Variants in CHRND observed in about 807,000 individuals in gnomAD.
The protein encoded by CHRND is acetylcholine receptor subunit delta.
In CHRND, 40 loss-of-function variants were observed where a neutral mutation model predicts 57.8. The observed-to-expected ratio is 0.69, with a 90% CI of 0.54 to 0.90. The LOEUF (loss-of-function observed/expected upper bound fraction) is 0.90. Ranked by LOEUF, CHRND falls within the 40% of genes least tolerant of loss-of-function variation. CHRND has a pLI of 0.00. For missense variants in CHRND, 634 were observed against 673.9 expected (o/e 0.94, Z 0.66); for synonymous variants, 237 against 270.6 (o/e 0.88, Z 1.22).
At chr2:232,531,286 C>A in intron 7 of CHRND, 66 bp from the exon 8 acceptor site, 1 of 865,048 alleles carries the variant, frequency 1.2e-6, no homozygotes, top group South Asian at 1.7e-5. Context: ...GACCGGTGCC[C>A]CAAGGTCACA....
rs3178844 is a variant in CHRND, at chr2:232,536,508, C to G, written c.*1196C>G. ...GTGAGTGAATGTGGAAGTGGATCCT[C>G]TGCCCCAGTAGGGCCTTCGGATGAG... On this transcript the variant is annotated 3_prime_UTR_variant, in exon 12 of 12. Transcript: ENST00000258385. The G allele has an allele frequency of 3.3e-5, 15 of 453,066 alleles. No individual in the cohort carries two copies. The Admixed American group carries it at 3.5e-4, about 11-fold the overall frequency. 28.1% of individuals were successfully genotyped at this position (453,066 alleles called of 1,614,324 possible).
rs1691851417 is a variant in CHRND, at chr2:232,535,416, G to C, written c.*104G>C. ...CTGAGGCTCGTGCCCCTCAGACTGG[G>C]GAAGAGTCCAAGGAAGGGAGGGAGC... On this transcript the variant is annotated 3_prime_UTR_variant, in exon 12 of 12. Transcript: ENST00000258385. 1.4e-6 allele frequency: 2 copies of C among 1,416,340 alleles called. No individual in the cohort carries two copies. The highest frequency in any genetic ancestry group is 1.8e-5 in the Admixed American group (1 of 56,940). The allele number at this position is 1,416,340 out of a possible 1,614,324, so 87.7% of individuals were successfully genotyped here. A position where few individuals can be genotyped will look rare whatever the true frequency, so the allele number is the denominator to read the frequency against.
In CHRND at chr2:232,531,756, C is replaced by G. The variant is rs1691707215; in HGVS notation, c.1047+100C>G. 4.1e-6 allele frequency: 4 copies of G among 981,010 alleles called. No homozygotes were observed. The African/African-American group carries it at 4.8e-5, about 12-fold the overall frequency. The allele number at this position is 981,010 out of a possible 1,614,324, so 60.8% of individuals were successfully genotyped here. A position where few individuals can be genotyped will look rare whatever the true frequency, so the allele number is the denominator to read the frequency against. ...TTGAGCCCAGGAGTTGGAGACCAGCCTGGGCAACATAGAGACACCCCTGTC... is the reference window on the plus strand; with the variant it reads ...TTGAGCCCAGGAGTTGGAGACCAGCGTGGGCAACATAGAGACACCCCTGTC... On this transcript the variant is annotated intron_variant, in intron 9 of 11. Transcript: ENST00000258385.
rs535368432 is a variant in CHRND at position 232,531,904 on chromosome 2, G to A, written c.1047+248G>A. 1.9e-4 allele frequency among the ~76,000 whole-genome samples: 25 copies of A among 133,280 alleles called. No homozygotes were observed. In the South Asian group the frequency reaches 1.9e-3, roughly 10 times the overall value. 87.4% of individuals were successfully genotyped at this position (133,280 alleles called of 152,430 possible). A position where few individuals can be genotyped will look rare whatever the true frequency, so the allele number is the denominator to read the frequency against. The stretch of plus-strand genomic sequence containing the variant: ...CAAAGCTGCAGTGAGCTGTGATCGC[G>A]CCAGGGCACTCCAGCCTGGGCAACA... On this transcript the variant is annotated intron_variant, in intron 9 of 11. Coordinates refer to ENST00000258385, the MANE Select transcript of CHRND (RefSeq NM_000751.3).
At position 232,528,522 on chromosome 2, in the gene CHRND, C is replaced by T. The variant is rs756324982; in HGVS notation, c.375C>T (p.Ile125=). The change falls in exon 5 of 12, where the codon ATC becomes ATT. Residue 125 remains isoleucine (I), a synonymous_variant. Coordinates refer to ENST00000258385, the MANE Select transcript of CHRND (RefSeq NM_000751.3). ...CCAGCAATGACGGCTCCTTCCAGAT[C>T]TCCTACTCCTGCAACGTGCTTGTCT... is the stretch of plus-strand genomic sequence containing the variant. ...LENNNDGSFQ[I]SYSCNVLVYH... 12 of 1,614,020 alleles carry T rather than the reference C, an allele frequency of 7.4e-6. No individual in the cohort carries two copies. The Middle Eastern group carries it at 4.9e-4, about 66-fold the overall frequency.
intron 9 of CHRND, among the ~76,000 whole-genome samples, chr2:232,532,286 G>A (rs1691731621): frequency 6.6e-6 from 1 of 151,862 alleles, no homozygotes; most frequent in Admixed American, 6.6e-5. Flanking sequence ...TGGCCAACAT[G>A]GTGAAACTCC....
At chr2:232,528,736 C>T in intron 5 of CHRND, 80 bp downstream of exon 5, 1 of 1,603,792 alleles carries the variant, frequency 6.2e-7, no homozygotes. Context: ...CACCCTCAGA[C>T]AGAGGCCCCT....
At position 232,535,668 on chromosome 2, in the gene CHRND, G is replaced by A. The variant is rs892513131; in HGVS notation, c.*356G>A. The A allele has an allele frequency of 6.2e-6, 3 of 487,782 alleles. No individual in the cohort carries two copies. The highest frequency in any genetic ancestry group is 1.2e-5 in the Non-Finnish European group (3 of 249,932). 30.2% of individuals were successfully genotyped at this position (487,782 alleles called of 1,614,324 possible). A position where few individuals can be genotyped will look rare whatever the true frequency, so the allele number is the denominator to read the frequency against. On this transcript the variant is annotated 3_prime_UTR_variant, in exon 12 of 12. Coordinates refer to ENST00000258385, the MANE Select transcript of CHRND (RefSeq NM_000751.3). The stretch of plus-strand genomic sequence containing the variant: ...CTCTGCTTCTCCTCCCCCAAGGTGT[G>A]GGGTAGAGCAGGCAGGAATCTGCGC...
chr2:232,526,418 G>T (rs1185852824), intron 1 of CHRND, 111 bp from the exon 2 acceptor site: 3 of 1,568,228 alleles, frequency 1.9e-6, no homozygotes, highest in Non-Finnish European at 1.7e-6. Context: ...GGAGTGGTTG[G>T]GTTCCCCCCT....
chr2:232,530,501 A>G lies in CHRND; in HGVS notation c.820+362A>G, dbSNP rs538243628. 1.6e-4 allele frequency among the ~76,000 whole-genome samples: 25 copies of G among 152,332 alleles called. No individual in the cohort carries two copies. In the South Asian group the frequency reaches 3.1e-3, roughly 19 times the overall value. ...CAACTGTTGAACCAGTGGGTGAATA[A>G]CAGGGTCTCTAGGACAGTAGGGTGT... On this transcript the variant is annotated intron_variant, in intron 7 of 11. Transcript: ENST00000258385.
intron 11 of CHRND, among the ~76,000 whole-genome samples, chr2:232,534,893 C>T (rs1161977580): frequency 6.6e-6 from 1 of 152,212 alleles, no homozygotes; most frequent in Non-Finnish European, 1.5e-5. Flanking sequence ...CCCTGTGCTA[C>T]AGCAGAGAGG....
At chr2:232,528,799 C>T in intron 5 of CHRND, 63 bp from the exon 6 acceptor site, 1 of 1,574,358 alleles carries the variant, frequency 6.4e-7, no homozygotes, top group Non-Finnish European at 8.7e-7. Flanking sequence ...CTTACCAGCC[C>T]TTCCCCACTC....
rs751820093 is a variant in CHRND at position 232,535,295 on chromosome 2, G to A, written c.1537G>A (p.Asp513Asn). Residue 513 changes from aspartate (D) to asparagine (N), a missense_variant, in exon 12 of 12, where the codon GAC becomes AAC. Asp to Asn is a conservative substitution (Grantham distance 23). Coordinates refer to ENST00000258385, the MANE Select transcript of CHRND (RefSeq NM_000751.3). ...GGACCCCTACTCCTACAACGTGCAG[G>A]ACAAGCGCTTCATCTAGGGTGGGCC... The part of the protein sequence containing the change: ...PGDPYSYNVQ[D>N]KRFI The A allele has an allele frequency of 6.2e-7, 1 of 1,613,724 alleles. No homozygotes were observed. Among genetic ancestry groups the A allele is most frequent in the African/African-American group, 1.3e-5 (1 of 74,952 alleles).
Position 232,535,949 on chromosome 2 carries a change from A to G in CHRND, c.*637A>G, listed in dbSNP as rs1691877851. On this transcript the variant is annotated 3_prime_UTR_variant, in exon 12 of 12. Transcript: ENST00000258385. ...GTTGCACACACAATCCTAGAGGACC[A>G]GAACGCAGCACCTCTCCCCAAAGGG... The G allele has an allele frequency of 2.2e-6, 1 of 454,148 alleles. No individual in the cohort carries two copies. Among genetic ancestry groups the G allele is most frequent in the Non-Finnish European group, 4.4e-6 (1 of 226,800 alleles). 28.1% of individuals were successfully genotyped at this position (454,148 alleles called of 1,614,324 possible).
Position 232,535,765 on chromosome 2 carries a change from T to C in CHRND, c.*453T>C, listed in dbSNP as rs575492169. The stretch of plus-strand genomic sequence containing the variant: ...AACCTCAGGCTTCTGAGGCCTCACC[T>C]GGGACTGAGGTTGAGGACACCTCCC... On this transcript the variant is annotated 3_prime_UTR_variant, in exon 12 of 12. Coordinates refer to ENST00000258385, the MANE Select transcript of CHRND (RefSeq NM_000751.3). The C allele has an allele frequency of 4.2e-5, 19 of 455,754 alleles. No individual in the cohort carries two copies. In the East Asian group the frequency reaches 1.2e-3, roughly 28 times the overall value. The allele number at this position is 455,754 out of a possible 1,614,324, so 28.2% of individuals were successfully genotyped here. A position where few individuals can be genotyped will look rare whatever the true frequency, so the allele number is the denominator to read the frequency against.
Position 232,531,676 on chromosome 2 carries a change from C to T in CHRND, c.1047+20C>T. The T allele has an allele frequency of 6.3e-7, 1 of 1,590,188 alleles. No individual in the cohort carries two copies. ...AAGAAGGTGAGTACTTGGCCCGGCG[C>T]AAAAGCTCACCACTGTAATCCTGGC... On this transcript the variant is annotated intron_variant, in intron 9 of 11. Coordinates refer to ENST00000258385, the MANE Select transcript of CHRND (RefSeq NM_000751.3).
chr2:232,533,825 C>G, intron 9 of CHRND, 106 bp from the exon 10 acceptor site: 1 of 1,175,616 alleles, frequency 8.5e-7, no homozygotes, highest in South Asian at 1.2e-5. Context: ...TGCAGTGAGC[C>G]GAGATCGCGC....
In CHRND at chr2:232,533,169, C is replaced by T. The variant is rs140195186; in HGVS notation, c.1048-762C>T. On this transcript the variant is annotated intron_variant, in intron 9 of 11. Transcript: ENST00000258385. ...CTAAGTAGCTGGGATTACAGGCGCC[C>T]GCCACCATGCCTGGCTAATTTTTGT... 6.7e-4 allele frequency among the ~76,000 whole-genome samples: 102 copies of T among 152,234 alleles called. 1 individual carries two copies. The highest frequency in any genetic ancestry group is 1.9e-3 in the African/African-American group (77 of 41,544).
chr2:232,531,777 C>G, intron 9 of CHRND, 121 bp downstream of exon 9: 1 of 785,948 alleles, frequency 1.3e-6, no homozygotes, highest in Non-Finnish European at 2.2e-6. Flanking sequence ...AGAGACACCC[C>G]TGTCTCTATA....
Sources: allele counts gnomAD v4.1 joint callset (sites outside exome capture counted in the v4.1 genomes callset), GRCh38; gene constraint gnomAD v4.1.1; transcripts MANE v1.5; gene names NCBI Gene and HGNC (gene_info 2026-07-23, HGNC 2026-07-21).